KIAA1958: variants seen among roughly 807,000 people sequenced by gnomAD.
KIAA1958 encodes KIAA1958.
Under a neutral mutation model 47.2 loss-of-function variants are expected in KIAA1958, and 14 were observed. The ratio of observed to expected loss-of-function variants is 0.30; its 90% CI spans 0.20 to 0.46. The LOEUF (loss-of-function observed/expected upper bound fraction) is 0.46, where lower values mean the gene tolerates loss of function less well. Ranked by LOEUF, KIAA1958 falls within the 20% of genes least tolerant of loss-of-function variation. The pLI is 1.00. For synonymous variants in KIAA1958, 354 were observed against 353.3 expected, an observed-to-expected ratio of 1.00 and a Z score of -0.02; for missense variants, 803 against 909.2, an observed-to-expected ratio of 0.88 and a Z score of 1.50.
At chr9:112,514,803 T>G (rs1587996518) in intron 1 of KIAA1958, among the ~76,000 whole-genome samples, 1 of 29,846 alleles carries the variant, frequency 3.4e-5, no homozygotes. Context: ...GGGAGGGAGG[T>G]GGGGGGGTCA....
chr9:112,645,708 T>A lies in KIAA1958; in HGVS notation c.1230T>A (p.Asp410Glu). ...TTAATATTAATGATGACTTGAATGA[T>A]CTGTGTACCAGTGCAGTAAGCCCAA... ...PVFNINDDLN[D>E]LCTSAVSPNT... The change falls in exon 3 of 4, where the codon GAT (aspartate) becomes GAA (glutamate). Residue 410 changes from aspartate (D) to glutamate (E), a missense_variant. Physicochemically the swap from Asp to Glu is conservative, Grantham distance 45. Transcript: ENST00000337530. The A allele has an allele frequency of 6.2e-7, 1 of 1,613,348 alleles. No individual in the cohort carries two copies.
rs1564205631 is a variant in KIAA1958, at chr9:112,660,065, AGTGAGCCCCCACT to A, written c.2149_*10del. On this transcript the variant is annotated stop_lost and 3_prime_UTR_variant, in exon 4 of 4. Coordinates refer to ENST00000337530, the MANE Select transcript of KIAA1958 (RefSeq NM_133465.4). ...AGGCTTGGCTCCCACAGCTGCTGCC[AGTGAGCCCCCACT>A]GGGGCCCGGCCACTGCCCTGTCACC... The A allele has an allele frequency of 5.6e-6, 9 of 1,612,304 alleles. No homozygotes were observed. The highest frequency in any genetic ancestry group is 7.6e-6 in the Non-Finnish European group (9 of 1,179,740).
rs145634720 is a variant in KIAA1958, at chr9:112,603,311, A to G, written c.1171+28060A>G. ...TCCTTGCATATGTATTGATATTACTATAAAAACATTTCATGTGGCTATCCC... is the reference window on the plus strand; with the variant it reads ...TCCTTGCATATGTATTGATATTACTGTAAAAACATTTCATGTGGCTATCCC... On this transcript the variant is annotated intron_variant, in intron 2 of 3. Transcript: ENST00000337530. Among the ~76,000 whole-genome samples the G allele has an allele frequency of 5.3e-5, 8 of 152,276 alleles. No homozygotes were observed. In the East Asian group the frequency reaches 1.3e-3, roughly 26 times the overall value.
At chr9:112,522,872 G>A (rs966800175) in intron 1 of KIAA1958, among the ~76,000 whole-genome samples, 7 of 152,098 alleles carry the variant, frequency 4.6e-5, no homozygotes, top group East Asian at 3.8e-4. Context: ...CCATTGTGTC[G>A]ACCCTAACAT....
At position 112,544,744 on chromosome 9, in the gene KIAA1958, G is replaced by A. The variant is rs772386518; in HGVS notation, c.-24-29313G>A. Among the ~76,000 whole-genome samples the A allele has an allele frequency of 1.8e-4, 28 of 152,210 alleles. No homozygotes were observed. In the Middle Eastern group the frequency reaches 0.014, roughly 74 times the overall value. ...TCCACATGTTGGCTTTCAGTATACC[G>A]GAGACTGCTATATAGGAAAGCAGCT... On this transcript the variant is annotated intron_variant, in intron 1 of 3. Coordinates refer to ENST00000337530, the MANE Select transcript of KIAA1958 (RefSeq NM_133465.4).
intron 1 of KIAA1958, among the ~76,000 whole-genome samples, chr9:112,571,818 A>T (rs897102821): frequency 6.8e-6 from 1 of 148,112 alleles, no homozygotes; most frequent in South Asian, 2.1e-4. Context: ...TAAAAACAAA[A>T]AATAAAAATA....
At chr9:112,592,940 T>A (rs1285886543) in intron 2 of KIAA1958, among the ~76,000 whole-genome samples, 1 of 152,186 alleles carries the variant, frequency 6.6e-6, no homozygotes, top group East Asian at 1.9e-4. Flanking sequence ...GTCAAAACTA[T>A]GTATATAATA....
intron 1 of KIAA1958, among the ~76,000 whole-genome samples, chr9:112,503,306 G>A (rs1220380204): frequency 2.6e-5 from 4 of 152,048 alleles, no homozygotes; most frequent in Non-Finnish European, 4.4e-5. Context: ...CAAAGGGAAC[G>A]GCAAGCACAA....
chr9:112,659,019 C>CAAAAAAAAAA (rs560013892), intron 3 of KIAA1958, among the ~76,000 whole-genome samples: 12 of 57,726 alleles, frequency 2.1e-4, no homozygotes, highest in East Asian at 4.1e-4. Context: ...GACTCTGACT[C>CAAAAAAAAAA]AAAAAAAAAA....
chr9:112,659,586 G>T lies in KIAA1958; in HGVS notation c.1668G>T (p.Leu556=), dbSNP rs780192854. The T allele has an allele frequency of 1.4e-5, 23 of 1,613,360 alleles. No homozygotes were observed. The highest frequency in any genetic ancestry group is 1.8e-5 in the Non-Finnish European group (21 of 1,179,756). Residue 556 remains leucine (L), a synonymous_variant, in exon 4 of 4, where the codon CTG becomes CTT. Coordinates refer to ENST00000337530, the MANE Select transcript of KIAA1958 (RefSeq NM_133465.4). ...CLGDDSPITL[L]STVVKYNSQY... ...GGGATGACAGCCCTATCACTCTCCT[G>T]TCCACTGTGGTCAAGTACAACAGCC...
intron 2 of KIAA1958, among the ~76,000 whole-genome samples, chr9:112,640,460 A>G (rs1357393566): frequency 2.6e-5 from 4 of 152,172 alleles, no homozygotes; most frequent in Non-Finnish European, 2.9e-5. Context: ...GGAAAATTAT[A>G]TGCAGAGTGT....
intron 1 of KIAA1958, among the ~76,000 whole-genome samples, chr9:112,519,354 T>C (rs1473458834): frequency 6.6e-6 from 1 of 152,256 alleles, no homozygotes; most frequent in African/African-American, 2.4e-5. Flanking sequence ...CTTTATGATG[T>C]CTGAACTTAT....
intron 1 of KIAA1958, among the ~76,000 whole-genome samples, chr9:112,547,998 CTTTTTTTTTTTTT>C (rs372918486): frequency 5.3e-5 from 5 of 94,566 alleles, no homozygotes; most frequent in Admixed American, 4.8e-4. Context: ...GTCAGAAAAT[CTTTTTTTTTTTTT>C]TTTTTTTTTT....
intron 2 of KIAA1958, among the ~76,000 whole-genome samples, chr9:112,586,037 G>C (rs1459169779): frequency 1.2e-4 from 18 of 152,130 alleles, no homozygotes; most frequent in Admixed American, 1.2e-3. Context: ...ACATTCTAAT[G>C]AAAGAAAGAC....
At chr9:112,564,233 G>A (rs1427438546) in intron 1 of KIAA1958, among the ~76,000 whole-genome samples, 1 of 152,134 alleles carries the variant, frequency 6.6e-6, no homozygotes, top group African/African-American at 2.4e-5. Context: ...TTGAATATTT[G>A]ATAGAATTTA....
At chr9:112,573,951 GT>G (rs543727490) in intron 1 of KIAA1958, 105 bp from the exon 2 acceptor site, 791 of 534,474 alleles carry the variant, frequency 1.5e-3, no homozygotes, top group South Asian at 2.4e-3. Flanking sequence ...TTTGAAGTGC[GT>G]TTTTTTTTTA....
At chr9:112,501,804 C>T (rs1281014338) in intron 1 of KIAA1958, among the ~76,000 whole-genome samples, 2 of 152,122 alleles carry the variant, frequency 1.3e-5, no homozygotes, top group African/African-American at 4.8e-5. Flanking sequence ...TCACATGGAG[C>T]AGACCCTACT....
At chr9:112,559,756 C>T (rs1178229780) in intron 1 of KIAA1958, among the ~76,000 whole-genome samples, 1 of 152,192 alleles carries the variant, frequency 6.6e-6, no homozygotes, top group Non-Finnish European at 1.5e-5. Flanking sequence ...TGTTAAACAT[C>T]ACTCACTCTG....
intron 1 of KIAA1958, among the ~76,000 whole-genome samples, chr9:112,498,788 C>G (rs1387041647): frequency 6.6e-6 from 1 of 152,110 alleles, no homozygotes; most frequent in African/African-American, 2.4e-5. Context: ...TGAAAATATG[C>G]AATAAATAAT....
Sources: gnomAD v4.1 joint callset for allele counts (sites outside exome capture counted in the v4.1 genomes callset) on GRCh38, gnomAD v4.1.1 for gene constraint, MANE v1.5 for transcripts, NCBI Gene and HGNC (gene_info 2026-07-23, HGNC 2026-07-21) for gene names.